The following RERG variants were observed in gnomAD, a reference collection of about 807,000 sequenced individuals.
RERG encodes the protein RAS like estrogen regulated growth inhibitor, also known as ras-related and estrogen-regulated growth inhibitor.
A neutral mutation model predicts 23.2 loss-of-function variants in RERG; 25 were observed. The ratio of observed to expected loss-of-function variants is 1.08; its 90% confidence interval spans 0.79 to 1.50. RERG has a LOEUF of 1.50. RERG is among the 40% of genes most tolerant of loss of function. The probability of loss-of-function intolerance (pLI) is 0.00; values close to 1 mark genes in which losing one functional copy is unlikely to be tolerated. For synonymous variants in RERG, 81 were observed against 89.1 expected (o/e 0.91, Z 0.51); for missense variants, 253 against 250.1 (o/e 1.01, Z -0.08).
chr12:15,165,329 C>T (rs1210256200), intron 2 of RERG, among the ~76,000 whole-genome samples: 3 of 151,974 alleles, frequency 2.0e-5, no homozygotes, highest in Non-Finnish European at 4.4e-5. Flanking sequence ...AATCTTTTAA[C>T]TTCTGCCAAG....
chr12:15,215,897 C>CT (rs780924470), intron 2 of RERG, among the ~76,000 whole-genome samples: 8 of 152,186 alleles, frequency 5.3e-5, no homozygotes, highest in Non-Finnish European at 1.2e-4. Context: ...CTACGTGGTT[C>CT]TCTCAGCTGA....
chr12:15,193,234 A>G (rs553771782), intron 2 of RERG, among the ~76,000 whole-genome samples: 1 of 152,028 alleles, frequency 6.6e-6, no homozygotes, highest in East Asian at 1.9e-4. Context: ...GCCTTTATTC[A>G]GTTATTTGTT....
chr12:15,128,349 G>A (rs1251633934), intron 2 of RERG, among the ~76,000 whole-genome samples: 1 of 152,208 alleles, frequency 6.6e-6, no homozygotes, highest in African/African-American at 2.4e-5. Context: ...AGTATCTGAA[G>A]ATGTAGGCGA....
chr12:15,151,401 A>C (rs1864439834), intron 2 of RERG, among the ~76,000 whole-genome samples: 1 of 152,226 alleles, frequency 6.6e-6, no homozygotes, highest in Non-Finnish European at 1.5e-5. Context: ...TCCACGCAAC[A>C]GCCAAATTGC....
At chr12:15,212,049 T>TTTC (rs1865374268) in intron 2 of RERG, among the ~76,000 whole-genome samples, 1 of 114,102 alleles carries the variant, frequency 8.8e-6, no homozygotes, top group Admixed American at 8.3e-5. Flanking sequence ...AAACTTTTTT[T>TTTC]TTTTTTTTTT....
At chr12:15,197,161 G>A (rs180933720) in intron 2 of RERG, among the ~76,000 whole-genome samples, 34 of 152,268 alleles carry the variant, frequency 2.2e-4, no homozygotes, top group Middle Eastern at 6.8e-3. Context: ...AAAAATGCCT[G>A]TTTTCTGTAA....
chr12:15,183,075 T>C (rs1162327921), intron 2 of RERG, among the ~76,000 whole-genome samples: 1 of 152,012 alleles, frequency 6.6e-6, no homozygotes, highest in South Asian at 2.1e-4. Context: ...AGAGAGACCC[T>C]GGCCGAAAAA....
intron 2 of RERG, among the ~76,000 whole-genome samples, chr12:15,183,151 A>C (rs1314687969): frequency 6.6e-6 from 1 of 152,124 alleles, no homozygotes; most frequent in Non-Finnish European, 1.5e-5. Context: ...AAAAAGTTGG[A>C]GTAGAAAATA....
rs200817102 is a variant in RERG, at chr12:15,114,178, T to A, written c.119-2761A>T. 4.0e-5 allele frequency among the ~76,000 whole-genome samples: 6 copies of A among 151,700 alleles called. No homozygotes were observed. In the East Asian group the frequency reaches 7.7e-4, roughly 20 times the overall value. ...TCTAAACTCATCTAGATTTGAAGAG[T>A]GAAACCTGAAGTTAAAAAAATTAAA... On this transcript the variant is annotated intron_variant, in intron 3 of 4. Transcript: ENST00000256953.
intron 2 of RERG, among the ~76,000 whole-genome samples, chr12:15,181,511 T>G (rs1185384751): frequency 6.6e-6 from 1 of 152,208 alleles, no homozygotes; most frequent in East Asian, 1.9e-4. Flanking sequence ...ATCCTGGCCC[T>G]GCCACTTACT....
At chr12:15,215,294 G>A (rs1453981005) in intron 2 of RERG, among the ~76,000 whole-genome samples, 3 of 152,308 alleles carry the variant, frequency 2.0e-5, no homozygotes, top group South Asian at 4.1e-4. Context: ...TAGGGGCAGT[G>A]TATGGAGTAA....
intron 2 of RERG, among the ~76,000 whole-genome samples, chr12:15,121,492 A>G (rs1291487524): frequency 6.6e-6 from 1 of 152,230 alleles, no homozygotes; most frequent in Non-Finnish European, 1.5e-5. Flanking sequence ...TTGAATATTG[A>G]TAAGGATTGG....
intron 2 of RERG, among the ~76,000 whole-genome samples, chr12:15,204,189 CAAAACAGTATCATATTGGCATA>C (rs922397360): frequency 6.6e-6 from 1 of 151,694 alleles, no homozygotes; most frequent in African/African-American, 2.4e-5. Flanking sequence ...CTATAGTAAT[CAAAACAGTATCATATTGGCATA>C]AAAACAGGCA....
chr12:15,109,448 C>G lies in RERG; in HGVS notation c.262G>C (p.Asp88His). Residue 88 changes from aspartate to histidine, a missense_variant, in exon 5 of 5, where the codon GAC becomes CAC. Transcript: ENST00000256953. ...EGFVLVYDIT[D>H]RGSFEEVLPL... ...AGCACTTCCTCAAAACTTCCTCGGTCAGTAATGTCGTAGACCAGCACAAAG... is the reference window on the plus strand; with the variant it reads ...AGCACTTCCTCAAAACTTCCTCGGTGAGTAATGTCGTAGACCAGCACAAAG... 2 of 1,613,934 alleles carry G rather than the reference C, an allele frequency of 1.2e-6. No individual in the cohort carries two copies. The highest frequency in any genetic ancestry group is 2.2e-5 in the South Asian group (2 of 91,068).
chr12:15,111,268 C>T, intron 4 of RERG, 76 bp downstream of exon 4: 1 of 1,160,872 alleles, frequency 8.6e-7, no homozygotes, highest in South Asian at 1.4e-5. Flanking sequence ...AGAAAAGTGC[C>T]TTATTTTTGT....
intron 2 of RERG, among the ~76,000 whole-genome samples, chr12:15,140,752 A>G (rs769465451): frequency 6.6e-6 from 1 of 151,936 alleles, no homozygotes; most frequent in Non-Finnish European, 1.5e-5. Flanking sequence ...TTGGGTTCTG[A>G]TGAGTCTGCT....
At chr12:15,143,565 C>T (rs1864277833) in intron 2 of RERG, among the ~76,000 whole-genome samples, 1 of 152,160 alleles carries the variant, frequency 6.6e-6, no homozygotes, top group South Asian at 2.1e-4. Context: ...TGAGTAACTA[C>T]TGGCCCTGAG....
intron 2 of RERG, among the ~76,000 whole-genome samples, chr12:15,151,409 T>C (rs909527502): frequency 1.3e-5 from 2 of 152,292 alleles, no homozygotes; most frequent in East Asian, 3.9e-4. Flanking sequence ...ACAGCCAAAT[T>C]GCACCCATAT....
chr12:15,213,996 ATGTGTGTGTGTGTGTGTG>A (rs59427690), intron 2 of RERG, among the ~76,000 whole-genome samples: 2 of 131,014 alleles, frequency 1.5e-5, no homozygotes, highest in South Asian at 2.4e-4. Context: ...CAGAGAAAGT[ATGTGTGTGTGTGTGTGTG>A]TGTGTGTGTG....
Sources: allele counts gnomAD v4.1 joint callset (sites outside exome capture counted in the v4.1 genomes callset), GRCh38; gene constraint gnomAD v4.1.1; transcripts MANE v1.5; gene names NCBI Gene and HGNC (gene_info 2026-07-23, HGNC 2026-07-21).